Variants in RBM8A observed in about 807,000 individuals in gnomAD.
RBM8A encodes the protein RNA binding motif protein 8A.
RBM8A carries 8 observed loss-of-function variants against 25.1 expected under a neutral mutation model. That is an observed-to-expected ratio of 0.32 (90% CI 0.19 to 0.58). The LOEUF (loss-of-function observed/expected upper bound fraction) is 0.58, where lower values mean the gene tolerates loss of function less well. Ranked by LOEUF, RBM8A falls within the 20% of genes least tolerant of loss-of-function variation. RBM8A has a pLI of 0.88. For missense variants in RBM8A, 114 were observed against 236.8 expected, an observed-to-expected ratio of 0.48 and a Z score of 3.40; for synonymous variants, 66 against 80.0, an observed-to-expected ratio of 0.82 and a Z score of 0.94.
chr1:145,926,605 C>G lies in RBM8A; in HGVS notation c.219G>C (p.Trp73Cys). 1 of 1,614,104 alleles carries G rather than the reference C, an allele frequency of 6.2e-7. No homozygotes were observed. Among genetic ancestry groups the G allele is most frequent in the Non-Finnish European group, 8.5e-7 (1 of 1,180,008 alleles). The part of the protein sequence containing the change: ...EPGPQRSVEG[W>C]ILFVTGVHEE... The stretch of plus-strand genomic sequence containing the variant: ...CATGGACTCCAGTTACAAAGAGAAT[C>G]CAGCCTTCAACAGCTGTTGGGGGAC... Residue 73 changes from tryptophan to cysteine, a missense_variant, in exon 4 of 6, where the codon TGG becomes TGC. By Grantham distance (215) the Trp-to-Cys change is radical (BLOSUM62 -2). Coordinates refer to ENST00000583313, the MANE Select transcript of RBM8A (RefSeq NM_005105.5).
At position 145,925,920 on chromosome 1, in the gene RBM8A, G is replaced by C; in HGVS notation, c.487C>G (p.Arg163Gly). 2 of 1,614,092 alleles carry C rather than the reference G, an allele frequency of 1.2e-6. No homozygotes were observed. The highest frequency in any genetic ancestry group is 1.3e-5 in the African/African-American group (1 of 75,038). ...CGGTCTGGACTTCTGCTGCGTCTTC[G>C]GCCACCTCTAGGGAAAAAGAAGCAG... ...GPPKGKRRGGRRRSRSPDRRR... is the reference protein window; with the variant it reads ...GPPKGKRRGGGRRSRSPDRRR... Residue 163 changes from arginine to glycine, a missense_variant, in exon 6 of 6, where the codon CGA (arginine) becomes GGA (glycine). By Grantham distance (125) the Arg-to-Gly change is moderately radical. Coordinates refer to ENST00000583313, the MANE Select transcript of RBM8A (RefSeq NM_005105.5).
intron 4 of RBM8A, 127 bp from the exon 5 acceptor site, chr1:145,926,304 C>G (rs1346082559): frequency 4.2e-6 from 6 of 1,439,488 alleles, no homozygotes; most frequent in Non-Finnish European, 5.7e-6. Context: ...CATCATATAT[C>G]TCTACTGTAT....
rs1379412505 is a variant in RBM8A, at chr1:145,922,209, G to A, written c.*3673C>T. 7.6e-6 allele frequency: 1 copy of A among 130,720 alleles called. No individual in the cohort carries two copies. Among genetic ancestry groups the A allele is most frequent in the Non-Finnish European group, 1.6e-5 (1 of 62,936 alleles). 8.1% of individuals were successfully genotyped at this position (130,720 alleles called of 1,614,324 possible). A position where few individuals can be genotyped will look rare whatever the true frequency, so the allele number is the denominator to read the frequency against. On this transcript the variant is annotated 3_prime_UTR_variant, in exon 6 of 6. Coordinates refer to ENST00000583313, the MANE Select transcript of RBM8A (RefSeq NM_005105.5). ...ACTGCACTCCGGCGTGGGCGGCAGA[G>A]CCAGACTCTGTTGGGGGTGGGGTGG...
Position 145,923,757 on chromosome 1 carries a change from C to T in RBM8A, c.*2125G>A. The T allele has an allele frequency of 2.0e-6, 1 of 508,106 alleles. No individual in the cohort carries two copies. Among genetic ancestry groups the T allele is most frequent in the South Asian group, 4.0e-5 (1 of 24,872 alleles). The allele number at this position is 508,106 out of a possible 1,614,324, so 31.5% of individuals were successfully genotyped here. A position where few individuals can be genotyped will look rare whatever the true frequency, so the allele number is the denominator to read the frequency against. ...CACTTCAGAGTCCCTGCAAAATGGCCTGGAATTTTGGCAGCACCCATTTTA... is the reference window on the plus strand; with the variant it reads ...CACTTCAGAGTCCCTGCAAAATGGCTTGGAATTTTGGCAGCACCCATTTTA... On this transcript the variant is annotated 3_prime_UTR_variant, in exon 6 of 6. Coordinates refer to ENST00000583313, the MANE Select transcript of RBM8A (RefSeq NM_005105.5).
In RBM8A at chr1:145,924,554, G is replaced by A; in HGVS notation, c.*1328C>T. On this transcript the variant is annotated 3_prime_UTR_variant, in exon 6 of 6. Transcript: ENST00000583313. ...TCAATTATAAACAGCTGAGTTAGCT[G>A]GACAAGGACTAGGGAGGCAATCAGT... The A allele has an allele frequency of 8.1e-6, 3 of 370,038 alleles. No homozygotes were observed. The highest frequency in any genetic ancestry group is 1.7e-5 in the Non-Finnish European group (3 of 181,634). 22.9% of individuals were successfully genotyped at this position (370,038 alleles called of 1,614,324 possible).
chr1:145,927,430 G>A lies in RBM8A; in HGVS notation c.-4C>T. The A allele has an allele frequency of 3.7e-6, 6 of 1,609,120 alleles. No individual in the cohort carries two copies. The highest frequency in any genetic ancestry group is 5.1e-6 in the Non-Finnish European group (6 of 1,178,022). ...GAAGATCTAGCACGTCCGCCATCTC[G>A]CCTTCGATCGAGATCTCGTCTGTGC... On this transcript the variant is annotated 5_prime_UTR_variant, in exon 1 of 6. Transcript: ENST00000583313.
chr1:145,924,332 G>A lies in RBM8A; in HGVS notation c.*1550C>T. On this transcript the variant is annotated 3_prime_UTR_variant, in exon 6 of 6. Transcript: ENST00000583313. ...CTGCTATAGCCGCATTGTCCTCAGT[G>A]TGTCCAGGCCCCAGACAAGGAAGGG... 2.0e-6 allele frequency: 1 copy of A among 504,050 alleles called. No individual in the cohort carries two copies. Among genetic ancestry groups the A allele is most frequent in the Non-Finnish European group, 4.0e-6 (1 of 249,558 alleles). 31.2% of individuals were successfully genotyped at this position (504,050 alleles called of 1,614,324 possible).
In RBM8A at chr1:145,923,950, A is replaced by G; in HGVS notation, c.*1932T>C. The G allele has an allele frequency of 1.6e-6, 1 of 608,436 alleles. No individual in the cohort carries two copies. Among genetic ancestry groups the G allele is most frequent in the East Asian group, 2.8e-5 (1 of 36,334 alleles). 37.7% of individuals were successfully genotyped at this position (608,436 alleles called of 1,614,324 possible). Reference sequence around the variant, plus strand: ...CCAAGATTTAACAAACTTACTGTTCAGCATCATATTCAAGCCTAAAAGGAA... The same window carrying G: ...CCAAGATTTAACAAACTTACTGTTCGGCATCATATTCAAGCCTAAAAGGAA... On this transcript the variant is annotated 3_prime_UTR_variant, in exon 6 of 6. Transcript: ENST00000583313.
intron 2 of RBM8A, 63 bp downstream of exon 2, chr1:145,926,955 G>C: frequency 6.2e-7 from 1 of 1,613,778 alleles, no homozygotes; most frequent in Non-Finnish European, 8.5e-7. Flanking sequence ...AGGTGGGTGG[G>C]GACTCCAAAA....
Position 145,925,554 on chromosome 1 carries a change from T to C in RBM8A, c.*328A>G. The C allele has an allele frequency of 2.9e-6, 1 of 348,264 alleles. No individual in the cohort carries two copies. Among genetic ancestry groups the C allele is most frequent in the Non-Finnish European group, 5.6e-6 (1 of 179,888 alleles). The allele number at this position is 348,264 out of a possible 1,614,324, so 21.6% of individuals were successfully genotyped here. A position where few individuals can be genotyped will look rare whatever the true frequency, so the allele number is the denominator to read the frequency against. ...CCAAGAGTTTGAAGCTGCAGTGAGC[T>C]ATGATCAGCTGCAATCCACCCTGGG... is the stretch of plus-strand genomic sequence containing the variant. On this transcript the variant is annotated 3_prime_UTR_variant, in exon 6 of 6. Coordinates refer to ENST00000583313, the MANE Select transcript of RBM8A (RefSeq NM_005105.5).
intron 1 of RBM8A, 52 bp downstream of exon 1, chr1:145,927,308 G>A (rs2101879555): frequency 6.3e-7 from 1 of 1,577,164 alleles, no homozygotes; most frequent in Non-Finnish European, 8.6e-7. Flanking sequence ...TCCTATTATA[G>A]CCTTCTCTCG....
rs59285351 is a variant in RBM8A, at chr1:145,926,947, G to T, written c.128-61C>A. ...TCCTTTCTCCCATTGTTCCTATGAG[G>T]TGGGTGGGGACTCCAAAACCCGTAG... On this transcript the variant is annotated intron_variant, in intron 2 of 5. Coordinates refer to ENST00000583313, the MANE Select transcript of RBM8A (RefSeq NM_005105.5). 0.022 allele frequency: 35,591 copies of T among 1,613,744 alleles called. 4,244 individuals carry two copies. In the African/African-American group the frequency reaches 0.32, roughly 15 times the overall value.
chr1:145,923,674 T>C lies in RBM8A; in HGVS notation c.*2208A>G, dbSNP rs587672293. On this transcript the variant is annotated 3_prime_UTR_variant, in exon 6 of 6. Coordinates refer to ENST00000583313, the MANE Select transcript of RBM8A (RefSeq NM_005105.5). ...AGCATTTGGAAAATGTTAAATTTTATTATTTAACATTCTTTACCATTATAG... is the reference window on the plus strand; with the variant it reads ...AGCATTTGGAAAATGTTAAATTTTACTATTTAACATTCTTTACCATTATAG... 39 of 388,612 alleles carry C rather than the reference T, an allele frequency of 1.0e-4. 1 individual carries two copies. In the South Asian group the frequency reaches 2.3e-3, roughly 22 times the overall value. The allele number at this position is 388,612 out of a possible 1,614,324, so 24.1% of individuals were successfully genotyped here. A position where few individuals can be genotyped will look rare whatever the true frequency, so the allele number is the denominator to read the frequency against.
At chr1:145,926,666 A>C in intron 3 of RBM8A, 48 bp from the exon 4 acceptor site, 4 of 1,612,886 alleles carry the variant, frequency 2.5e-6, no homozygotes, top group Non-Finnish European at 3.4e-6. Flanking sequence ...GAGACACTTT[A>C]AGCAGGCTCA....
chr1:145,924,118 G>A lies in RBM8A; in HGVS notation c.*1764C>T, dbSNP rs1553755373. Reference sequence around the variant, plus strand: ...CATAGGTGGGTAGGTTGGGTGGTGAGGGGAACCAGTTCTAATAGTCCTCAA... The same window carrying A: ...CATAGGTGGGTAGGTTGGGTGGTGAAGGGAACCAGTTCTAATAGTCCTCAA... On this transcript the variant is annotated 3_prime_UTR_variant, in exon 6 of 6. Coordinates refer to ENST00000583313, the MANE Select transcript of RBM8A (RefSeq NM_005105.5). 5.6e-6 allele frequency: 4 copies of A among 713,032 alleles called. No individual in the cohort carries two copies. The highest frequency in any genetic ancestry group is 1.7e-5 in the African/African-American group (1 of 57,304). 44.2% of individuals were successfully genotyped at this position (713,032 alleles called of 1,614,324 possible).
intron 1 of RBM8A, 56 bp from the exon 2 acceptor site, chr1:145,927,133 G>A (rs1648204578): frequency 1.4e-5 from 23 of 1,593,784 alleles, no homozygotes; most frequent in Non-Finnish European, 1.5e-5. Flanking sequence ...TGTAACAATC[G>A]TCTCTTTCCC....
chr1:145,927,392 C>G lies in RBM8A; in HGVS notation c.35G>C (p.Gly12Ala), dbSNP rs1553756189. 1 of 1,611,920 alleles carries G rather than the reference C, an allele frequency of 6.2e-7. No homozygotes were observed. The part of the protein sequence containing the change: ...ADVLDLHEAG[G>A]EDFAMDEDGD... Reference sequence around the variant, plus strand: ...ATCCTCATCCATGGCGAAATCTTCGCCCCCAGCCTCGTGAAGATCTAGCAC... The same window carrying G: ...ATCCTCATCCATGGCGAAATCTTCGGCCCCAGCCTCGTGAAGATCTAGCAC... Residue 12 changes from glycine to alanine, a missense_variant, in exon 1 of 6, where the codon GGC becomes GCC. This residue lies in a region of RBM8A where 12 missense variants were observed against 54.1 expected (regional missense o/e 0.22). Transcript: ENST00000583313.
chr1:145,926,430 G>A (rs1354249662), intron 4 of RBM8A, 52 bp downstream of exon 4: 2 of 1,590,648 alleles, frequency 1.3e-6, no homozygotes, highest in South Asian at 1.1e-5. Context: ...AACTACGAAT[G>A]CTACCTAAGG....
Position 145,925,913 on chromosome 1 carries a change from C to T in RBM8A, c.494G>A (p.Arg165His), listed in dbSNP as rs1553755764. The T allele has an allele frequency of 6.2e-7, 1 of 1,614,158 alleles. No homozygotes were observed. Among genetic ancestry groups the T allele is most frequent in the South Asian group, 1.1e-5 (1 of 91,086 alleles). Reference protein sequence around the residue: ...PKGKRRGGRRRSRSPDRRRR With the variant: ...PKGKRRGGRRHSRSPDRRRR ...ACGTCTCCGGTCTGGACTTCTGCTG[C>T]GTCTTCGGCCACCTCTAGGGAAAAA... Residue 165 changes from arginine (R) to histidine (H), a missense_variant, in exon 6 of 6, where the codon CGC becomes CAC. By Grantham distance (29) the Arg-to-His change is conservative. Transcript: ENST00000583313.
Sources: gnomAD v4.1 joint callset for allele counts on GRCh38, gnomAD v4.1.1 for gene constraint, gnomAD v4.1.1 regional missense constraint, MANE v1.5 for transcripts, NCBI Gene and HGNC (gene_info 2026-07-23, HGNC 2026-07-21) for gene names.